Variants in SH3GL1 observed in about 807,000 individuals in gnomAD.
SH3GL1 encodes SH3 domain containing GRB2 like 1, endophilin A2.
In SH3GL1, 21 loss-of-function variants were observed where a neutral mutation model predicts 48.8. The ratio of observed to expected loss-of-function variants is 0.43; its 90% CI spans 0.30 to 0.62. The LOEUF is 0.62. Ranked by LOEUF, SH3GL1 falls within the 20% of genes least tolerant of loss-of-function variation. The pLI, the probability that SH3GL1 is intolerant of heterozygous loss-of-function variation, is 0.11. For missense variants in SH3GL1, 454 were observed against 503.0 expected (o/e 0.90, Z 0.93); for synonymous variants, 282 against 217.5 (o/e 1.30, Z -2.61).
chr19:4,384,324 A>G lies in SH3GL1; in HGVS notation c.45+16000T>C, dbSNP rs537858386. On this transcript the variant is annotated intron_variant, in intron 1 of 9. Coordinates refer to ENST00000269886, the MANE Select transcript of SH3GL1 (RefSeq NM_003025.4). Reference sequence around the variant, plus strand: ...TCCCCGCCCACTTGGCTTCCTGGCCAAGGCCCCCAGGCACATACAGCACGG... The same window carrying G: ...TCCCCGCCCACTTGGCTTCCTGGCCGAGGCCCCCAGGCACATACAGCACGG... Among the ~76,000 whole-genome samples the G allele has an allele frequency of 1.4e-3, 217 of 152,356 alleles. 2 individuals are homozygous for G. The highest frequency in any genetic ancestry group is 5.0e-3 in the African/African-American group (209 of 41,584).
At chr19:4,366,179 G>A (rs1972773979) in intron 3 of SH3GL1, among the ~76,000 whole-genome samples, 1 of 152,228 alleles carries the variant, frequency 6.6e-6, no homozygotes, top group Admixed American at 6.5e-5. Flanking sequence ...GGGCACTGGG[G>A]AGGGGCGGCC....
At chr19:4,370,208 C>T (rs936225594) in intron 1 of SH3GL1, among the ~76,000 whole-genome samples, 5 of 152,190 alleles carry the variant, frequency 3.3e-5, no homozygotes, top group Non-Finnish European at 7.4e-5. Context: ...CCAATGCCCC[C>T]GCATCAGAGA....
At chr19:4,396,270 G>C (rs1003788102) in intron 1 of SH3GL1, among the ~76,000 whole-genome samples, 1 of 151,990 alleles carries the variant, frequency 6.6e-6, no homozygotes, top group African/African-American at 2.4e-5. Context: ...ATGGTGGTGG[G>C]TGCCTGTAAT....
In SH3GL1 at chr19:4,376,625, G is replaced by A. The variant is rs1474511410; in HGVS notation, c.46-9631C>T. On this transcript the variant is annotated intron_variant, in intron 1 of 9. Transcript: ENST00000269886. This position sits in a 1 kb window ranked among gnomAD's most constrained non-coding sequence, Gnocchi z 4.3. The stretch of plus-strand genomic sequence containing the variant: ...CACACTTCATCTTACACCCCCATCT[G>A]CCTGGGCGGCCCCCCCATCTCCCCT... Among the ~76,000 whole-genome samples the A allele has an allele frequency of 7.9e-5, 12 of 150,982 alleles. No homozygotes were observed. Among genetic ancestry groups the A allele is most frequent in the Admixed American group, 7.9e-4 (12 of 15,174 alleles).
At chr19:4,384,874 C>T (rs954403044) in intron 1 of SH3GL1, among the ~76,000 whole-genome samples, 1 of 152,208 alleles carries the variant, frequency 6.6e-6, no homozygotes, top group African/African-American at 2.4e-5. Context: ...GAGGCCAAAG[C>T]AGGCAGATTG....
In SH3GL1 at chr19:4,361,740, C is replaced by T. The variant is rs200448085; in HGVS notation, c.967G>A (p.Gly323Arg). The change falls in exon 10 of 10, where the codon GGG becomes AGG. Residue 323 changes from glycine to arginine, a missense_variant. Physicochemically the swap from Gly to Arg is moderately radical, Grantham distance 125. Transcript: ENST00000269886. ...TCGCCCTCATGGAAGCCCAGCTCCC[C>T]GTCGTTCTCGGGCTCGAAGTCGTAC... ...ALYDFEPEND[G>R]ELGFHEGDVI... 1.8e-5 allele frequency: 29 copies of T among 1,612,936 alleles called. No individual in the cohort carries two copies. In the Admixed American group the frequency reaches 1.8e-4, roughly 10 times the overall value.
intron 1 of SH3GL1, among the ~76,000 whole-genome samples, chr19:4,387,423 C>G (rs1973256615): frequency 6.6e-6 from 1 of 152,190 alleles, no homozygotes; most frequent in African/African-American, 2.4e-5. Flanking sequence ...CTCAGCCTAC[C>G]AAGTAGCTGG....
intron 1 of SH3GL1, among the ~76,000 whole-genome samples, chr19:4,396,464 A>T (rs1179045391): frequency 1.3e-5 from 2 of 152,132 alleles, no homozygotes; most frequent in East Asian, 3.8e-4. Flanking sequence ...AAACTAGGAA[A>T]ATCTTTGTTT....
chr19:4,363,944 A>G, intron 5 of SH3GL1, 66 bp from the exon 6 acceptor site: 10 of 1,608,120 alleles, frequency 6.2e-6, no homozygotes, highest in Non-Finnish European at 8.5e-6. Context: ...CATGGCTTTG[A>G]CCCACTGTCC....
intron 1 of SH3GL1, among the ~76,000 whole-genome samples, chr19:4,394,509 A>C (rs1973391878): frequency 6.6e-6 from 1 of 152,132 alleles, no homozygotes; most frequent in Non-Finnish European, 1.5e-5. Flanking sequence ...TGGCCAGTTC[A>C]TGACAAGAAG....
In SH3GL1 at chr19:4,389,258, C is replaced by G. The variant is rs745852970; in HGVS notation, c.45+11066G>C. On this transcript the variant is annotated intron_variant, in intron 1 of 9. Transcript: ENST00000269886. This position sits in a 1 kb window ranked among gnomAD's most constrained non-coding sequence, Gnocchi z 4.5. Reference sequence around the variant, plus strand: ...TCCGATGGGAGGAGAGCACCTCACACGAACACCAGCGTGTGGCATCTGGGT... The same window carrying G: ...TCCGATGGGAGGAGAGCACCTCACAGGAACACCAGCGTGTGGCATCTGGGT... Among the ~76,000 whole-genome samples, 34 of 152,204 alleles carry G rather than the reference C, an allele frequency of 2.2e-4. No homozygotes were observed. The highest frequency in any genetic ancestry group is 4.4e-4 in the Non-Finnish European group (30 of 68,034).
At chr19:4,381,868 A>G (rs1246768389) in intron 1 of SH3GL1, among the ~76,000 whole-genome samples, 1 of 150,258 alleles carries the variant, frequency 6.7e-6, no homozygotes, top group Non-Finnish European at 1.5e-5. Flanking sequence ...AATTTTTTGT[A>G]TTTTTTAGTA....
chr19:4,374,531 C>T (rs1972966955), intron 1 of SH3GL1, among the ~76,000 whole-genome samples: 1 of 152,244 alleles, frequency 6.6e-6, no homozygotes, highest in South Asian at 2.1e-4. Flanking sequence ...CTGTGCAGGG[C>T]CTGCATCCCG....
At chr19:4,370,349 C>G (rs1024788776) in intron 1 of SH3GL1, among the ~76,000 whole-genome samples, 1 of 152,226 alleles carries the variant, frequency 6.6e-6, no homozygotes, top group Admixed American at 6.5e-5. Flanking sequence ...GCTCCGCACT[C>G]GAGTCCATCC....
intron 1 of SH3GL1, among the ~76,000 whole-genome samples, chr19:4,386,537 T>C (rs1973239619): frequency 6.7e-6 from 1 of 149,420 alleles, no homozygotes; most frequent in South Asian, 2.1e-4. Flanking sequence ...AGGGTCTTGC[T>C]ATACTGCCCA....
At position 4,376,584 on chromosome 19, in the gene SH3GL1, C is replaced by T. The variant is rs1009101899; in HGVS notation, c.46-9590G>A. Among the ~76,000 whole-genome samples the T allele has an allele frequency of 6.6e-6, 1 of 152,106 alleles. No individual in the cohort carries two copies. Among genetic ancestry groups the T allele is most frequent in the African/African-American group, 2.4e-5 (1 of 41,432 alleles). ...AACACACCACTGATGCCTCCTCTCT[C>T]GTGCGCCTGCCCCTTCACACTTCAT... On this transcript the variant is annotated intron_variant, in intron 1 of 9. Coordinates refer to ENST00000269886, the MANE Select transcript of SH3GL1 (RefSeq NM_003025.4). The surrounding 1 kb of genome is among the most constrained non-coding windows in gnomAD (Gnocchi z 4.3).
At position 4,361,593 on chromosome 19, in the gene SH3GL1, G is replaced by C. The variant is rs763353959; in HGVS notation, c.*7C>G. On this transcript the variant is annotated 3_prime_UTR_variant, in exon 10 of 10. Coordinates refer to ENST00000269886, the MANE Select transcript of SH3GL1 (RefSeq NM_003025.4). ...GGACGGAGGGGCGGGGCGGGGACAC[G>C]GGTGAGTCACTGCGGCAGGGGCACA... is the stretch of plus-strand genomic sequence containing the variant. 6.3e-7 allele frequency: 1 copy of C among 1,587,530 alleles called. No homozygotes were observed. Among genetic ancestry groups the C allele is most frequent in the Admixed American group, 1.7e-5 (1 of 59,570 alleles).
rs561212666 is a variant in SH3GL1, at chr19:4,367,389, A to T, written c.46-395T>A. ...CATCCCCACAGATAGCAATGTGGGG[A>T]TCTGCCCCCATCCTTGAGTATGTGG... is the stretch of plus-strand genomic sequence containing the variant. On this transcript the variant is annotated intron_variant, in intron 1 of 9. Transcript: ENST00000269886. This position sits in a 1 kb window ranked among gnomAD's most constrained non-coding sequence, Gnocchi z 4.2. Among the ~76,000 whole-genome samples the T allele has an allele frequency of 7.2e-5, 11 of 151,872 alleles. No individual in the cohort carries two copies. The highest frequency in any genetic ancestry group is 1.6e-4 in the Non-Finnish European group (11 of 67,956).
At chr19:4,392,185 T>C (rs1457116699) in intron 1 of SH3GL1, among the ~76,000 whole-genome samples, 1 of 152,112 alleles carries the variant, frequency 6.6e-6, no homozygotes, top group African/African-American at 2.4e-5. Flanking sequence ...AGCACAAGGG[T>C]ATACACTTTT....
Sources: allele counts gnomAD v4.1 joint callset (sites outside exome capture counted in the v4.1 genomes callset), GRCh38; gene constraint gnomAD v4.1.1; non-coding constraint Gnocchi (gnomAD v3.1); transcripts MANE v1.5; gene names NCBI Gene and HGNC (gene_info 2026-07-23, HGNC 2026-07-21).